The following DIAPH2 variants were observed in gnomAD, a reference collection of about 807,000 sequenced individuals.
DIAPH2 encodes protein diaphanous homolog 2.
DIAPH2 carries 35 observed loss-of-function variants against 92.7 expected under a neutral mutation model. The observed-to-expected ratio is 0.38, with a 90% confidence interval of 0.29 to 0.50. DIAPH2 has a LOEUF of 0.50. Among genes scored for constraint, DIAPH2 ranks in the 20% least tolerant of loss-of-function variants. DIAPH2 has a pLI of 0.94. For synonymous variants in DIAPH2, 301 were observed against 280.4 expected, an observed-to-expected ratio of 1.07 and a Z score of -0.73; for missense variants, 701 against 819.5, an observed-to-expected ratio of 0.86 and a Z score of 1.77.
At chrX:97,427,373 T>G (rs180916380) in intron 25 of DIAPH2, among the ~76,000 whole-genome samples, 106 of 111,573 alleles carry the variant, frequency 9.5e-4, no homozygotes, top group African/African-American at 3.4e-3. Flanking sequence ...CTAGTTCATT[T>G]CAACTTCTTC....
chrX:97,428,339 G>A (rs1020680933), intron 25 of DIAPH2, among the ~76,000 whole-genome samples: 2 of 110,535 alleles, frequency 1.8e-5, no homozygotes, highest in African/African-American at 3.3e-5. Flanking sequence ...AGACCAGCCT[G>A]ACCAACAGGG....
At chrX:97,341,661 T>C (rs1003321083) in intron 23 of DIAPH2, among the ~76,000 whole-genome samples, 1 of 110,756 alleles carries the variant, frequency 9.0e-6, no homozygotes, top group Non-Finnish European at 1.9e-5. Context: ...GAGCCAATTG[T>C]TTATGCCCCA....
intron 26 of DIAPH2, among the ~76,000 whole-genome samples, chrX:97,516,558 C>T (rs1393128935): frequency 8.9e-6 from 1 of 111,913 alleles, no homozygotes; most frequent in African/African-American, 3.2e-5. Context: ...AATAGGACCT[C>T]AGAGAAGGAC....
chrX:97,274,009 GTGTGTGT>G (rs2068413823), intron 23 of DIAPH2, among the ~76,000 whole-genome samples: 3 of 9,196 alleles, frequency 3.3e-4, no homozygotes, highest in African/African-American at 5.4e-4. Flanking sequence ...AACTAGCGGT[GTGTGTGT>G]GTGTGTGTGT....
At chrX:96,761,296 G>T (rs1377316256) in intron 4 of DIAPH2, among the ~76,000 whole-genome samples, 1 of 103,396 alleles carries the variant, frequency 9.7e-6, no homozygotes, top group East Asian at 3.3e-4. Flanking sequence ...TTTAAAATAT[G>T]TAAAGTTATA....
intron 19 of DIAPH2, among the ~76,000 whole-genome samples, chrX:97,088,529 G>A (rs1363585324): frequency 8.9e-6 from 1 of 111,932 alleles, no homozygotes; most frequent in Non-Finnish European, 1.9e-5. Flanking sequence ...GTTATATCAT[G>A]TGATTTGGTG....
At chrX:97,115,121 A>C (rs756463970) in intron 21 of DIAPH2, among the ~76,000 whole-genome samples, 156 bp downstream of exon 21, 1 of 112,457 alleles carries the variant, frequency 8.9e-6, no homozygotes, top group Non-Finnish European at 1.9e-5. Flanking sequence ...CAAACAAATA[A>C]TTTTTTAAAA....
chrX:96,944,287 TG>T (rs2065724551), intron 13 of DIAPH2, among the ~76,000 whole-genome samples: 1 of 112,184 alleles, frequency 8.9e-6, no homozygotes. Context: ...TAGATTCGGC[TG>T]TTCTTTGACT....
At chrX:97,155,185 C>A (rs190868042) in intron 22 of DIAPH2, among the ~76,000 whole-genome samples, 188 of 111,697 alleles carry the variant, frequency 1.7e-3, no homozygotes, top group African/African-American at 6.0e-3. Flanking sequence ...ATCACAAAAT[C>A]CCATACATAA....
chrX:97,146,007 C>CTTTT (rs372292277), intron 22 of DIAPH2, among the ~76,000 whole-genome samples: 6,424 of 43,167 alleles, frequency 0.15, 853 homozygotes, highest in East Asian at 0.39. Flanking sequence ...TTTCTTCTTC[C>CTTTT]TTTTTTTTTT....
intron 15 of DIAPH2, among the ~76,000 whole-genome samples, chrX:96,953,114 C>CTGAA (rs1404186442): frequency 3.6e-5 from 4 of 111,379 alleles, no homozygotes; most frequent in Non-Finnish European, 5.6e-5. Flanking sequence ...GAGACTGTCT[C>CTGAA]TGAATGAATG....
At chrX:97,293,166 A>G (rs138075408) in intron 23 of DIAPH2, among the ~76,000 whole-genome samples, 56 of 108,749 alleles carry the variant, frequency 5.1e-4, no homozygotes, top group African/African-American at 1.7e-3. Flanking sequence ...GTCCTACTCA[A>G]TATCTCTCGT....
chrX:97,336,486 T>C (rs1475905587), intron 23 of DIAPH2, among the ~76,000 whole-genome samples: 2 of 109,593 alleles, frequency 1.8e-5, no homozygotes, highest in African/African-American at 6.6e-5. Flanking sequence ...CCTGATCTCG[T>C]GATCCGCCCG....
chrX:97,148,950 C>A (rs16982310), intron 22 of DIAPH2, among the ~76,000 whole-genome samples: 5 of 111,058 alleles, frequency 4.5e-5, no homozygotes, highest in African/African-American at 1.6e-4. Flanking sequence ...AACTTATGGA[C>A]GCCACCAAAC....
At chrX:97,161,057 T>G (rs1396895779) in intron 22 of DIAPH2, among the ~76,000 whole-genome samples, 4 of 105,609 alleles carry the variant, frequency 3.8e-5, no homozygotes, top group African/African-American at 1.4e-4. Context: ...TTTTGTTTTT[T>G]TTTTTTTTTT....
intron 4 of DIAPH2, among the ~76,000 whole-genome samples, chrX:96,848,045 A>T (rs1471831132): frequency 5.5e-5 from 6 of 108,424 alleles, no homozygotes; most frequent in Admixed American, 1.0e-4. Flanking sequence ...AATTATTATT[A>T]TTATTTTTTT....
Position 97,185,325 on chromosome X carries a change from GTGTATATATATATATGTATATATATA to G in DIAPH2, c.2719+43535_2719+43560del, listed in dbSNP as rs1569322959. Among the ~76,000 whole-genome samples, 31 of 4,899 alleles carry G rather than the reference GTGTATATATATATATGTATATATATA, an allele frequency of 6.3e-3. 1 individual carries two copies. The highest frequency in any genetic ancestry group is 0.02 in the African/African-American group (30 of 1,483). 4.3% of individuals were successfully genotyped at this position (4,899 alleles called of 115,157 possible). ...AAAAAAAATATATATATATATATATGTGTATATATATATATGTATATATATATGTGTGTATATATATATGTATATAT... is the reference window on the plus strand; with the variant it reads ...AAAAAAAATATATATATATATATATGTGTGTGTATATATATATGTATATAT... On this transcript the variant is annotated intron_variant, in intron 22 of 26. Transcript: ENST00000324765.
chrX:97,443,919 T>C (rs1277900136), intron 26 of DIAPH2, among the ~76,000 whole-genome samples: 2 of 112,085 alleles, frequency 1.8e-5, no homozygotes, highest in African/African-American at 6.5e-5. Context: ...CCCTTTTGTT[T>C]CAGCTTTACA....
intron 1 of DIAPH2, among the ~76,000 whole-genome samples, chrX:96,697,570 C>T (rs1229398014): frequency 3.6e-5 from 4 of 110,739 alleles, no homozygotes; most frequent in Admixed American, 2.9e-4. Context: ...TGCTTGATCC[C>T]GGGAGGCAGA....
Sources: gnomAD v4.1 joint callset for allele counts (sites outside exome capture counted in the v4.1 genomes callset) on GRCh38, gnomAD v4.1.1 for gene constraint, MANE v1.5 for transcripts, NCBI Gene and HGNC (gene_info 2026-07-23, HGNC 2026-07-21) for gene names.